The following RALGAPA2 variants were observed in gnomAD, a reference collection of about 807,000 sequenced individuals.
RALGAPA2 encodes the protein Ral GTPase activating protein catalytic subunit alpha 2.
Under a neutral mutation model 230.4 loss-of-function variants are expected in RALGAPA2, and 139 were observed. That is an observed-to-expected ratio of 0.60 (90% confidence interval 0.53 to 0.69). RALGAPA2 has a LOEUF of 0.69. Ranked by LOEUF, RALGAPA2 falls within the 30% of genes least tolerant of loss-of-function variation. The pLI is 0.00. For missense variants in RALGAPA2, 2,163 were observed against 2,276.0 expected, an observed-to-expected ratio of 0.95 and a Z score of 1.01; for synonymous variants, 847 against 837.8, an observed-to-expected ratio of 1.01 and a Z score of -0.19.
At chr20:20,659,900 C>G (rs571650553) in intron 3 of RALGAPA2, 10 of 429,492 alleles carry the variant, frequency 2.3e-5, no homozygotes, top group African/African-American at 1.8e-4. Flanking sequence ...TTCTGGTATT[C>G]CAGGAGAACC....
intron 23 of RALGAPA2, among the ~76,000 whole-genome samples, chr20:20,548,672 C>T (rs1568565942): frequency 6.6e-6 from 1 of 152,158 alleles, no homozygotes. Flanking sequence ...GGCAAACATT[C>T]TAAGGGACCG....
In RALGAPA2 at chr20:20,573,849, AG is replaced by A. The variant is rs576272212; in HGVS notation, c.2708-782del. ...TTTATCCATTCACCTGTAGATATTT[AG>A]ATTTGTTCCTGTTTTTTGGCAATTA... On this transcript the variant is annotated intron_variant, in intron 20 of 39. Transcript: ENST00000202677. Among the ~76,000 whole-genome samples the A allele has an allele frequency of 9.2e-5, 14 of 152,334 alleles. No individual in the cohort carries two copies. The South Asian group carries it at 2.5e-3, about 27-fold the overall frequency.
At chr20:20,516,537 G>A (rs1478476905) in intron 31 of RALGAPA2, among the ~76,000 whole-genome samples, 1 of 152,180 alleles carries the variant, frequency 6.6e-6, no homozygotes, top group African/African-American at 2.4e-5. Context: ...GAGGTCCTGA[G>A]CCTGTCGAAG....
At chr20:20,428,199 A>G (rs2060426882) in intron 37 of RALGAPA2, among the ~76,000 whole-genome samples, 1 of 152,204 alleles carries the variant, frequency 6.6e-6, no homozygotes. Context: ...ATTCTGCCTA[A>G]ACTCATAAAA....
intron 23 of RALGAPA2, among the ~76,000 whole-genome samples, chr20:20,557,952 T>C (rs1279096767): frequency 6.6e-6 from 1 of 152,186 alleles, no homozygotes; most frequent in Non-Finnish European, 1.5e-5. Flanking sequence ...AAGCACCATT[T>C]AATATTCGTG....
intron 4 of RALGAPA2, among the ~76,000 whole-genome samples, chr20:20,650,340 G>A (rs2067355906): frequency 1.3e-5 from 2 of 152,176 alleles, no homozygotes; most frequent in Admixed American, 1.3e-4. Flanking sequence ...CACTGTGGTG[G>A]TTGATGTTTC....
intron 3 of RALGAPA2, among the ~76,000 whole-genome samples, chr20:20,665,855 C>A (rs145137727): frequency 6.6e-6 from 1 of 152,178 alleles, no homozygotes; most frequent in African/African-American, 2.4e-5. Context: ...GCGATAGCAC[C>A]GAGGAGCAAC....
intron 37 of RALGAPA2, among the ~76,000 whole-genome samples, chr20:20,427,829 C>G (rs997201081): frequency 6.6e-6 from 1 of 150,800 alleles, no homozygotes; most frequent in Non-Finnish European, 1.5e-5. Flanking sequence ...AGCTGGACAA[C>G]ATATATCATC....
At chr20:20,413,417 T>C (rs908707743) in intron 37 of RALGAPA2, among the ~76,000 whole-genome samples, 21 of 152,182 alleles carry the variant, frequency 1.4e-4, no homozygotes, top group African/African-American at 4.8e-4. Flanking sequence ...TTCAGTTATA[T>C]TCAGAGGATA....
At chr20:20,468,465 A>G (rs2061468613) in intron 37 of RALGAPA2, among the ~76,000 whole-genome samples, 1 of 151,892 alleles carries the variant, frequency 6.6e-6, no homozygotes, top group Non-Finnish European at 1.5e-5. Context: ...CTACTATCTG[A>G]TATGTTTTAA....
chr20:20,424,551 C>A (rs535888348), intron 37 of RALGAPA2, among the ~76,000 whole-genome samples: 1 of 152,166 alleles, frequency 6.6e-6, no homozygotes, highest in Non-Finnish European at 1.5e-5. Flanking sequence ...GATTTTCACT[C>A]GTCCTAAAGA....
intron 37 of RALGAPA2, among the ~76,000 whole-genome samples, chr20:20,443,613 A>G (rs1171356818): frequency 6.6e-6 from 1 of 152,174 alleles, no homozygotes; most frequent in East Asian, 1.9e-4. Flanking sequence ...TGCAAGGCGT[A>G]CCACATGACA....
intron 37 of RALGAPA2, among the ~76,000 whole-genome samples, chr20:20,418,704 A>G (rs1004026741): frequency 6.6e-6 from 1 of 151,948 alleles, no homozygotes; most frequent in Non-Finnish European, 1.5e-5. Flanking sequence ...CCAGTCACCG[A>G]AGGACACATT....
At chr20:20,681,653 T>G (rs1390590073) in intron 1 of RALGAPA2, among the ~76,000 whole-genome samples, 3 of 151,924 alleles carry the variant, frequency 2.0e-5, no homozygotes, top group Non-Finnish European at 4.4e-5. Context: ...GACCAAGGAG[T>G]TGGCACTTTG....
At chr20:20,488,031 CT>C (rs2061957919) in intron 36 of RALGAPA2, among the ~76,000 whole-genome samples, 2 of 152,182 alleles carry the variant, frequency 1.3e-5, no homozygotes, top group South Asian at 4.1e-4. Flanking sequence ...TGCCCCACCC[CT>C]GTGCATGCCA....
At chr20:20,499,242 C>T (rs1461478131) in intron 35 of RALGAPA2, among the ~76,000 whole-genome samples, 1 of 152,132 alleles carries the variant, frequency 6.6e-6, no homozygotes, top group Non-Finnish European at 1.5e-5. Context: ...TTGATTATTA[C>T]AGTAGGGAAT....
At chr20:20,536,024 C>T (rs550225112) in intron 25 of RALGAPA2, among the ~76,000 whole-genome samples, 8 of 152,228 alleles carry the variant, frequency 5.3e-5, no homozygotes, top group East Asian at 1.9e-4. Flanking sequence ...CCATTCAGCC[C>T]GCGGGAGTAG....
intron 33 of RALGAPA2, among the ~76,000 whole-genome samples, chr20:20,510,272 T>C (rs548044495): frequency 2.6e-5 from 4 of 152,322 alleles, no homozygotes; most frequent in African/African-American, 4.8e-5. Flanking sequence ...TTCTAAGATA[T>C]GACTTTGTCA....
intron 24 of RALGAPA2, among the ~76,000 whole-genome samples, chr20:20,538,832 G>A (rs932721722): frequency 2.6e-5 from 4 of 152,160 alleles, no homozygotes; most frequent in African/African-American, 9.7e-5. Flanking sequence ...ACAGACAACA[G>A]GAAGAATATC....
Sources: allele counts gnomAD v4.1 joint callset (sites outside exome capture counted in the v4.1 genomes callset), GRCh38; gene constraint gnomAD v4.1.1; transcripts MANE v1.5; gene names NCBI Gene and HGNC (gene_info 2026-07-23, HGNC 2026-07-21).